ADAM32: variants seen among roughly 807,000 people sequenced by gnomAD.
The protein encoded by ADAM32 is ADAM metallopeptidase domain 32.
In ADAM32, 89 loss-of-function variants were observed where a neutral mutation model predicts 114.9. The ratio of observed to expected loss-of-function variants is 0.77; its 90% CI spans 0.65 to 0.92. ADAM32 has a LOEUF of 0.92. Among genes scored for constraint, ADAM32 ranks in the 40% least tolerant of loss-of-function variants. ADAM32 has a pLI of 0.00. For synonymous variants in ADAM32, 285 were observed against 307.5 expected (o/e 0.93, Z 0.77); for missense variants, 870 against 932.8 (o/e 0.93, Z 0.88).
At chr8:39,132,825 G>T (rs1041277647) in intron 2 of ADAM32, among the ~76,000 whole-genome samples, 28 of 151,174 alleles carry the variant, frequency 1.9e-4, no homozygotes, top group Non-Finnish European at 3.4e-4. Flanking sequence ...TGAACAATCT[G>T]CCACTAATTG....
At chr8:39,186,418 G>T (rs1806250807) in intron 10 of ADAM32, among the ~76,000 whole-genome samples, 2 of 152,132 alleles carry the variant, frequency 1.3e-5, no homozygotes, top group African/African-American at 4.8e-5. Flanking sequence ...GTTTTCTGTG[G>T]CTTCTTTTCA....
chr8:39,275,443 G>C (rs74898923), intron 21 of ADAM32, among the ~76,000 whole-genome samples: 1 of 152,134 alleles, frequency 6.6e-6, no homozygotes, highest in Non-Finnish European at 1.5e-5. Flanking sequence ...CATCAGTTCA[G>C]TCTTCTTGAC....
At chr8:39,267,660 A>T (rs534507764) in intron 19 of ADAM32, among the ~76,000 whole-genome samples, 18 of 152,224 alleles carry the variant, frequency 1.2e-4, no homozygotes, top group African/African-American at 3.6e-4. Flanking sequence ...TCTGGTTGCC[A>T]TGAGAGCACC....
intron 14 of ADAM32, among the ~76,000 whole-genome samples, chr8:39,226,510 T>C (rs1197270810): frequency 6.6e-6 from 1 of 151,506 alleles, no homozygotes; most frequent in Non-Finnish European, 1.5e-5. Context: ...TCAATAAATA[T>C]AATGACATTT....
intron 2 of ADAM32, chr8:39,130,926 G>A: frequency 2.3e-6 from 1 of 440,318 alleles, no homozygotes; most frequent in East Asian, 7.1e-5. Flanking sequence ...TATAATCCCG[G>A]CATTTTGGGA....
chr8:39,266,995 G>A (rs1417485466), intron 19 of ADAM32, among the ~76,000 whole-genome samples: 1 of 152,172 alleles, frequency 6.6e-6, no homozygotes, highest in Non-Finnish European at 1.5e-5. Flanking sequence ...TTTGTTCTCT[G>A]TCCCCTTAAG....
At chr8:39,133,152 C>A (rs1802565634) in intron 2 of ADAM32, among the ~76,000 whole-genome samples, 1 of 152,092 alleles carries the variant, frequency 6.6e-6, no homozygotes, top group African/African-American at 2.4e-5. Context: ...GTGTTTGGGT[C>A]ATGATGTCCC....
At chr8:39,151,334 G>T in intron 5 of ADAM32, 43 bp from the exon 6 acceptor site, 1 of 1,448,622 alleles carries the variant, frequency 6.9e-7, no homozygotes, top group Non-Finnish European at 9.3e-7. Flanking sequence ...TCATTATATA[G>T]ATTTGATTAA....
intron 19 of ADAM32, among the ~76,000 whole-genome samples, chr8:39,266,751 G>A (rs914887538): frequency 5.9e-5 from 9 of 152,176 alleles, no homozygotes; most frequent in Admixed American, 3.9e-4. Context: ...CAGAGTTCTT[G>A]CATTGGTTCT....
chr8:39,203,979 T>C (rs1391313342), intron 11 of ADAM32, among the ~76,000 whole-genome samples: 2 of 152,218 alleles, frequency 1.3e-5, no homozygotes, highest in Non-Finnish European at 2.9e-5. Context: ...TTCTGGCTTG[T>C]AGAGTTTCTG....
At chr8:39,201,516 G>A (rs1305580658) in intron 11 of ADAM32, among the ~76,000 whole-genome samples, 1 of 152,116 alleles carries the variant, frequency 6.6e-6, no homozygotes, top group African/African-American at 2.4e-5. Flanking sequence ...ATCCGCTTAA[G>A]GAGATTTTGG....
At chr8:39,155,070 C>T (rs1297432119) in intron 6 of ADAM32, among the ~76,000 whole-genome samples, 3 of 152,072 alleles carry the variant, frequency 2.0e-5, no homozygotes, top group East Asian at 1.9e-4. Context: ...ATTGATTGAA[C>T]GTATCTCAAA....
At chr8:39,258,342 A>G (rs1811793899) in intron 19 of ADAM32, among the ~76,000 whole-genome samples, 1 of 151,012 alleles carries the variant, frequency 6.6e-6, no homozygotes, top group Non-Finnish European at 1.5e-5. Context: ...TTAATTTTCA[A>G]CCCTTCTTAT....
At chr8:39,140,521 T>G (rs1464876134) in intron 3 of ADAM32, among the ~76,000 whole-genome samples, 3 of 152,208 alleles carry the variant, frequency 2.0e-5, no homozygotes, top group African/African-American at 7.2e-5. Context: ...TCGTGGTGAA[T>G]AAGCTTTTTG....
intron 11 of ADAM32, among the ~76,000 whole-genome samples, chr8:39,193,422 G>A (rs1806731971): frequency 6.6e-6 from 1 of 151,986 alleles, no homozygotes; most frequent in African/African-American, 2.4e-5. Flanking sequence ...TGATTCTTAG[G>A]TTACTTGAAT....
chr8:39,262,456 G>A (rs979326839), intron 19 of ADAM32, among the ~76,000 whole-genome samples: 4 of 152,104 alleles, frequency 2.6e-5, no homozygotes, highest in Admixed American at 1.3e-4. Flanking sequence ...CAGCTTTGTA[G>A]TATATTTTGA....
intron 11 of ADAM32, among the ~76,000 whole-genome samples, chr8:39,202,935 G>A (rs1207806696): frequency 5.4e-5 from 4 of 73,766 alleles, no homozygotes; most frequent in African/African-American, 1.5e-4. Context: ...CATGTAGTTG[G>A]GTGGTTTTGA....
chr8:39,267,105 G>T (rs986195161), intron 19 of ADAM32, among the ~76,000 whole-genome samples: 6 of 152,228 alleles, frequency 3.9e-5, no homozygotes, highest in African/African-American at 1.4e-4. Flanking sequence ...GTGGGCCAGT[G>T]GTGGGTCCAT....
chr8:39,234,063 C>G lies in ADAM32; in HGVS notation c.1799C>G (p.Ser600Cys). 1 of 1,477,248 alleles carries G rather than the reference C, an allele frequency of 6.8e-7. No homozygotes were observed. The highest frequency in any genetic ancestry group is 9.0e-7 in the Non-Finnish European group (1 of 1,109,692). 91.5% of individuals were successfully genotyped at this position (1,477,248 alleles called of 1,614,324 possible). ...GATCCACTGGCTGTCAAAAATGGCT[C>G]TCAGTGTGATATTGGGAGGGTAAAT... ...VPDPLAVKNG[S>C]QCDIGRVCVN... The change falls in exon 16 of 25, where the codon TCT becomes TGT. Residue 600 changes from serine (S) to cysteine (C), a missense_variant. Physicochemically the swap from Ser to Cys is moderately radical, Grantham distance 112. Coordinates refer to ENST00000379907, the MANE Select transcript of ADAM32 (RefSeq NM_145004.7).
Sources: allele counts gnomAD v4.1 joint callset (sites outside exome capture counted in the v4.1 genomes callset), GRCh38; gene constraint gnomAD v4.1.1; transcripts MANE v1.5; gene names NCBI Gene and HGNC (gene_info 2026-07-23, HGNC 2026-07-21).